The following ARB2A variants were observed in gnomAD, a reference collection of about 807,000 sequenced individuals.
ARB2A encodes ARB2 cotranscriptional regulator A.
At chr5:93,765,956 T>G in the ARB2A span, among the ~76,000 whole-genome samples, 2 of 151,994 alleles carry the variant, frequency 1.3e-5, no homozygotes, top group African/African-American at 4.8e-5. Context: ...CCTATTTAAT[T>G]AATGGTGCTG....
chr5:93,905,952 C>T, the ARB2A span, among the ~76,000 whole-genome samples: 1 of 151,462 alleles, frequency 6.6e-6, no homozygotes, highest in Non-Finnish European at 1.5e-5. Flanking sequence ...AAATGCTATG[C>T]CTTAATGCTA....
chr5:93,818,935 C>T, the ARB2A span, among the ~76,000 whole-genome samples: 4 of 151,988 alleles, frequency 2.6e-5, no homozygotes, highest in East Asian at 7.7e-4. Context: ...CGCCTGTAAT[C>T]CCAGCACTTT....
the ARB2A span, among the ~76,000 whole-genome samples, chr5:94,066,422 GCACACACACACACACACA>G: frequency 9.2e-4 from 122 of 132,518 alleles, no homozygotes; most frequent in South Asian, 1.0e-3. Flanking sequence ...GCCAGACTAA[GCACACACACACACACACA>G]CACACACACA....
At chr5:93,761,303 C>G in the ARB2A span, among the ~76,000 whole-genome samples, 3 of 152,180 alleles carry the variant, frequency 2.0e-5, no homozygotes, top group African/African-American at 7.2e-5. Context: ...ATTCCCTTTC[C>G]TAGTCAAAGA....
At chr5:94,106,866 T>C in the ARB2A span, among the ~76,000 whole-genome samples, 20 of 98,364 alleles carry the variant, frequency 2.0e-4, no homozygotes, top group African/African-American at 8.1e-4. Context: ...TGTGAATCAA[T>C]GCAGAAAAAA....
chr5:93,896,339 C>T, the ARB2A span, among the ~76,000 whole-genome samples: 1 of 152,012 alleles, frequency 6.6e-6, no homozygotes, highest in Non-Finnish European at 1.5e-5. Context: ...TGCACAATTC[C>T]CCAAGTGCAG....
At chr5:93,762,264 G>C in the ARB2A span, among the ~76,000 whole-genome samples, 9 of 152,122 alleles carry the variant, frequency 5.9e-5, no homozygotes, top group Middle Eastern at 3.4e-3. Flanking sequence ...AGCTAAAGGA[G>C]GAAGTTCGAA....
the ARB2A span, among the ~76,000 whole-genome samples, chr5:93,770,726 C>T: frequency 6.6e-6 from 1 of 152,174 alleles, no homozygotes; most frequent in African/African-American, 2.4e-5. Context: ...GAATAAAATA[C>T]CTAGGAATCC....
chr5:93,848,729 T>A, the ARB2A span, among the ~76,000 whole-genome samples: 1 of 152,330 alleles, frequency 6.6e-6, no homozygotes, highest in Admixed American at 6.5e-5. Context: ...AATTTTAGGA[T>A]AACAGAACAA....
chr5:94,051,985 G>C, the ARB2A span, among the ~76,000 whole-genome samples: 1 of 151,860 alleles, frequency 6.6e-6, no homozygotes, highest in Non-Finnish European at 1.5e-5. Context: ...ACGCCTGGCT[G>C]AATTTTGTAT....
chr5:93,759,990 GA>G, the ARB2A span, among the ~76,000 whole-genome samples: 2 of 152,280 alleles, frequency 1.3e-5, no homozygotes, highest in African/African-American at 4.8e-5. Context: ...TGTTTACCTT[GA>G]AAACCCTGAA....
the ARB2A span, among the ~76,000 whole-genome samples, chr5:93,978,852 AC>A: frequency 6.6e-6 from 1 of 152,094 alleles, no homozygotes; most frequent in Non-Finnish European, 1.5e-5. Flanking sequence ...AGTGGCTGGA[AC>A]GGGTGGGGTG....
the ARB2A span, among the ~76,000 whole-genome samples, chr5:94,025,430 C>T: frequency 2.0e-5 from 3 of 152,282 alleles, no homozygotes; most frequent in Admixed American, 6.5e-5. Context: ...TATTAGTACC[C>T]GACCCTTTTA....
the ARB2A span, among the ~76,000 whole-genome samples, chr5:93,889,099 A>G: frequency 6.6e-6 from 1 of 151,750 alleles, no homozygotes; most frequent in South Asian, 2.1e-4. Context: ...TATTTTTCAA[A>G]AAAAGGGAAA....
At chr5:93,671,238 G>A in the ARB2A span, among the ~76,000 whole-genome samples, 4 of 152,088 alleles carry the variant, frequency 2.6e-5, no homozygotes, top group Admixed American at 2.0e-4. Flanking sequence ...TGTATCAATT[G>A]TTACTGAGTA....
chr5:93,634,383 TG>T, the ARB2A span, among the ~76,000 whole-genome samples: 5,482 of 148,606 alleles, frequency 0.037, 146 homozygotes, highest in South Asian at 0.073. Flanking sequence ...CTGGTGAGAG[TG>T]AGACACTGTC....
the ARB2A span, among the ~76,000 whole-genome samples, chr5:93,897,187 G>A: frequency 6.6e-6 from 1 of 151,840 alleles, no homozygotes; most frequent in Non-Finnish European, 1.5e-5. Flanking sequence ...CAAACAAAAA[G>A]TTATAATTTT....
chr5:93,946,965 T>C, the ARB2A span, among the ~76,000 whole-genome samples: 2 of 152,198 alleles, frequency 1.3e-5, no homozygotes, highest in African/African-American at 4.8e-5. Context: ...GAGTATTATA[T>C]GTTATTCTAT....
At chr5:93,958,390 G>T in the ARB2A span, among the ~76,000 whole-genome samples, 1 of 151,800 alleles carries the variant, frequency 6.6e-6, no homozygotes, top group Non-Finnish European at 1.5e-5. Context: ...GGTAGGCAAA[G>T]GTTTACAAAA....
Sources: gnomAD v4.1 joint callset for allele counts (sites outside exome capture counted in the v4.1 genomes callset) on GRCh38, gnomAD v4.1.1 for gene constraint, MANE v1.5 for transcripts, NCBI Gene and HGNC (gene_info 2026-07-23, HGNC 2026-07-21) for gene names.